The following FAM171A1 variants were observed in gnomAD, a reference collection of about 807,000 sequenced individuals.
FAM171A1 encodes the protein protein FAM171A1.
Under a neutral mutation model 74.9 loss-of-function variants are expected in FAM171A1, and 23 were observed. That is an observed-to-expected ratio of 0.31 (90% confidence interval 0.22 to 0.44). The LOEUF (loss-of-function observed/expected upper bound fraction) is 0.44. FAM171A1 is among the 20% of genes least tolerant of loss of function. The probability of loss-of-function intolerance (pLI) is 1.00; values close to 1 mark genes in which losing one functional copy is unlikely to be tolerated. For missense variants in FAM171A1, 1,162 were observed against 1,159.2 expected, an observed-to-expected ratio of 1.00 and a Z score of -0.03; for synonymous variants, 527 against 505.7, an observed-to-expected ratio of 1.04 and a Z score of -0.57.
intron 1 of FAM171A1, among the ~76,000 whole-genome samples, chr10:15,296,853 T>TA (rs5783434): frequency 0.32 from 49,056 of 152,008 alleles, 9,409 homozygotes; most frequent in East Asian, 0.78. Context: ...TGCTGGAACT[T>TA]AGAGTACCAC....
At position 15,211,981 on chromosome 10, in the gene FAM171A1, CATG is replaced by C. The variant is rs1366341553; in HGVS notation, c.*931_*933del. 5 of 152,610 alleles carry C rather than the reference CATG, an allele frequency of 3.3e-5. No individual in the cohort carries two copies. Among genetic ancestry groups the C allele is most frequent in the Non-Finnish European group, 7.3e-5 (5 of 68,052 alleles). The allele number at this position is 152,610 out of a possible 1,614,324, so 9.5% of individuals were successfully genotyped here. A position where few individuals can be genotyped will look rare whatever the true frequency, so the allele number is the denominator to read the frequency against. ...TTCGCTAAACAGAACCCACGTTACA[CATG>C]ATAACTAGAGAGCACACTGTGTTGA... On this transcript the variant is annotated 3_prime_UTR_variant, in exon 8 of 8. Coordinates refer to ENST00000378116, the MANE Select transcript of FAM171A1 (RefSeq NM_001010924.2).
intron 1 of FAM171A1, among the ~76,000 whole-genome samples, chr10:15,284,932 TA>T (rs553987604): frequency 0.083 from 8,169 of 98,412 alleles, 347 homozygotes; most frequent in African/African-American, 0.18. Flanking sequence ...AGAAAAAGAA[TA>T]AAAAAAAAAA....
At chr10:15,249,689 T>G (rs1834483987) in intron 4 of FAM171A1, among the ~76,000 whole-genome samples, 1 of 152,238 alleles carries the variant, frequency 6.6e-6, no homozygotes, top group Admixed American at 6.5e-5. Flanking sequence ...GAAATATTTA[T>G]GAGTTATTTT....
intron 1 of FAM171A1, among the ~76,000 whole-genome samples, chr10:15,350,756 C>A (rs1254933591): frequency 6.6e-6 from 1 of 152,038 alleles, no homozygotes; most frequent in Non-Finnish European, 1.5e-5. Context: ...GATACTCCTG[C>A]CTCAGCCTCC....
chr10:15,231,612 C>T (rs1175398388), intron 5 of FAM171A1, among the ~76,000 whole-genome samples: 5 of 150,216 alleles, frequency 3.3e-5, no homozygotes, highest in African/African-American at 9.8e-5. Flanking sequence ...GTGGGTGTGG[C>T]AACTCTGTCA....
At chr10:15,302,981 G>C (rs1419222014) in intron 1 of FAM171A1, among the ~76,000 whole-genome samples, 2 of 152,174 alleles carry the variant, frequency 1.3e-5, no homozygotes, top group Non-Finnish European at 2.9e-5. Flanking sequence ...CTGAGGTCAG[G>C]AGTTTGAGAC....
At chr10:15,305,664 T>TAAAAAA (rs59843893) in intron 1 of FAM171A1, among the ~76,000 whole-genome samples, 1,357 of 52,890 alleles carry the variant, frequency 0.026, 186 homozygotes, top group Non-Finnish European at 0.029. Context: ...GAGATCTGGC[T>TAAAAAA]AAAAAAAAAA....
intron 1 of FAM171A1, among the ~76,000 whole-genome samples, chr10:15,309,678 T>C (rs1835337274): frequency 6.6e-6 from 1 of 152,244 alleles, no homozygotes; most frequent in African/African-American, 2.4e-5. Flanking sequence ...AACTTGAATC[T>C]ACAAACAAAA....
chr10:15,323,072 G>A (rs542042916), intron 1 of FAM171A1, among the ~76,000 whole-genome samples: 7 of 151,888 alleles, frequency 4.6e-5, no homozygotes, highest in African/African-American at 1.7e-4. Flanking sequence ...TTTGGGAAGG[G>A]GAGGTTGTGG....
At position 15,235,256 on chromosome 10, in the gene FAM171A1, T is replaced by C. The variant is rs540185105; in HGVS notation, c.754+13383A>G. 5.3e-4 allele frequency among the ~76,000 whole-genome samples: 71 copies of C among 134,254 alleles called. 1 individual carries two copies. Among genetic ancestry groups the C allele is most frequent in the Non-Finnish European group, 9.0e-4 (59 of 65,838 alleles). 88.1% of individuals were successfully genotyped at this position (134,254 alleles called of 152,430 possible). A position where few individuals can be genotyped will look rare whatever the true frequency, so the allele number is the denominator to read the frequency against. ...GGCAGAGGTTGCAGTGGGCCGAGAT[T>C]GCGCCACTGCACTCCAGCCTGGGAG... is the stretch of plus-strand genomic sequence containing the variant. On this transcript the variant is annotated intron_variant, in intron 5 of 7. Transcript: ENST00000378116.
At chr10:15,228,665 G>C (rs746310723) in intron 5 of FAM171A1, among the ~76,000 whole-genome samples, 3 of 152,192 alleles carry the variant, frequency 2.0e-5, no homozygotes, top group Admixed American at 1.3e-4. Flanking sequence ...TTACTATGCT[G>C]AGATTTGTTA....
At chr10:15,311,821 G>T (rs990232068) in intron 1 of FAM171A1, among the ~76,000 whole-genome samples, 28 of 152,268 alleles carry the variant, frequency 1.8e-4, no homozygotes, top group Middle Eastern at 3.4e-3. Context: ...ATGTGACAGG[G>T]TATTTTCTCT....
chr10:15,293,308 T>C (rs900052446), intron 1 of FAM171A1, among the ~76,000 whole-genome samples: 1 of 152,204 alleles, frequency 6.6e-6, no homozygotes, highest in Admixed American at 6.5e-5. Flanking sequence ...TAAAAATAGA[T>C]AATATAGAGA....
chr10:15,245,700 C>T (rs1834424022), intron 5 of FAM171A1, among the ~76,000 whole-genome samples: 1 of 152,222 alleles, frequency 6.6e-6, no homozygotes, highest in Non-Finnish European at 1.5e-5. Context: ...AGACTCCCTG[C>T]TCTTAACCAC....
chr10:15,221,257 G>C (rs1834035940), intron 5 of FAM171A1, among the ~76,000 whole-genome samples, 197 bp from the exon 6 acceptor site: 1 of 152,242 alleles, frequency 6.6e-6, no homozygotes, highest in Non-Finnish European at 1.5e-5. Flanking sequence ...TTCAGGGAAA[G>C]ATAAGCAACT....
chr10:15,265,909 G>C (rs931792652), intron 3 of FAM171A1, among the ~76,000 whole-genome samples: 6 of 152,162 alleles, frequency 3.9e-5, no homozygotes, highest in African/African-American at 1.4e-4. Flanking sequence ...TTACTGATAA[G>C]GACGTGAGGG....
chr10:15,352,040 A>G (rs1475295765), intron 1 of FAM171A1, among the ~76,000 whole-genome samples: 1 of 103,138 alleles, frequency 9.7e-6, no homozygotes, highest in African/African-American at 3.4e-5. Flanking sequence ...ACAAAAATAC[A>G]AAATACAAAA....
In FAM171A1 at chr10:15,248,697, C is replaced by T. The variant is rs751848939; in HGVS notation, c.696G>A (p.Thr232=). 3.6e-5 allele frequency: 58 copies of T among 1,612,874 alleles called. No homozygotes were observed. The highest frequency in any genetic ancestry group is 1.6e-4 in the Middle Eastern group (1 of 6,076). The change falls in exon 5 of 8, where the codon ACG becomes ACA. Residue 232 remains threonine (T), a synonymous_variant. Coordinates refer to ENST00000378116, the MANE Select transcript of FAM171A1 (RefSeq NM_001010924.2). Reference sequence around the variant, plus strand: ...AGGCATTGTGCCTCAGGCTGCTCTGCGTGGCCAGGGGCACAGTGACATAGA... The same window carrying T: ...AGGCATTGTGCCTCAGGCTGCTCTGTGTGGCCAGGGGCACAGTGACATAGA... The part of the protein sequence containing the change: ...GPIYVTVPLA[T]QSSLRHNAYV...
At chr10:15,366,836 C>T (rs1836068905) in intron 1 of FAM171A1, among the ~76,000 whole-genome samples, 2 of 152,048 alleles carry the variant, frequency 1.3e-5, no homozygotes, top group Admixed American at 1.3e-4. Flanking sequence ...TATTTCCCAG[C>T]AATAATAAAG....
Sources: allele counts gnomAD v4.1 joint callset (sites outside exome capture counted in the v4.1 genomes callset), GRCh38; gene constraint gnomAD v4.1.1; transcripts MANE v1.5; gene names NCBI Gene and HGNC (gene_info 2026-07-23, HGNC 2026-07-21).